Variants in PCSK6 observed in about 807,000 individuals in gnomAD.
PCSK6 encodes proprotein convertase subtilisin/kexin type 6, also known as paired basic amino acid cleaving enzyme 4.
A neutral mutation model predicts 123.3 loss-of-function variants in PCSK6; 85 were observed. That is an observed-to-expected ratio of 0.69 (90% confidence interval 0.58 to 0.83). The LOEUF (loss-of-function observed/expected upper bound fraction) is 0.83. Among genes scored for constraint, PCSK6 ranks in the 40% least tolerant of loss-of-function variants. The probability of loss-of-function intolerance (pLI) is 0.00; values close to 1 mark genes in which losing one functional copy is unlikely to be tolerated. For missense variants in PCSK6, 1,191 were observed against 1,282.3 expected (o/e 0.93, Z 1.09); for synonymous variants, 508 against 516.0 (o/e 0.98, Z 0.21).
chr15:101,425,514 C>T (rs2056226277), intron 6 of PCSK6, among the ~76,000 whole-genome samples: 1 of 152,158 alleles, frequency 6.6e-6, no homozygotes, highest in African/African-American at 2.4e-5. Flanking sequence ...TAATGCATAT[C>T]CTAACTTATC....
chr15:101,473,671 A>G (rs962695547), intron 1 of PCSK6, among the ~76,000 whole-genome samples: 1 of 152,214 alleles, frequency 6.6e-6, no homozygotes, highest in African/African-American at 2.4e-5. Flanking sequence ...TGAGGTCAGG[A>G]GTTCAAGACC....
intron 13 of PCSK6, chr15:101,336,760 T>C (rs2040487609): frequency 6.6e-6 from 1 of 151,990 alleles, no homozygotes; most frequent in Admixed American, 6.6e-5. Context: ...ATTTTTGTTC[T>C]TTCTCTCGAT....
intron 1 of PCSK6, among the ~76,000 whole-genome samples, chr15:101,446,556 C>G (rs2056895202): frequency 6.6e-6 from 1 of 152,204 alleles, no homozygotes; most frequent in Non-Finnish European, 1.5e-5. Context: ...CCACCCTTTC[C>G]CTACTGTTCA....
At chr15:101,328,335 C>T (rs1483366903) in intron 15 of PCSK6, among the ~76,000 whole-genome samples, 2 of 152,180 alleles carry the variant, frequency 1.3e-5, no homozygotes, top group Non-Finnish European at 2.9e-5. Flanking sequence ...AGGCGGCAGA[C>T]CAATCTTTTC....
intron 6 of PCSK6, among the ~76,000 whole-genome samples, chr15:101,414,604 C>A (rs2055820318): frequency 6.6e-6 from 1 of 152,048 alleles, no homozygotes; most frequent in Non-Finnish European, 1.5e-5. Context: ...TGTAGAGAAA[C>A]ATAAGTCCCA....
At chr15:101,369,610 G>A (rs377031881) in intron 12 of PCSK6, among the ~76,000 whole-genome samples, 1 of 152,254 alleles carries the variant, frequency 6.6e-6, no homozygotes, top group African/African-American at 2.4e-5. Flanking sequence ...GCTAGAAAGA[G>A]ACAGAAGGTA....
At chr15:101,396,596 G>C (rs1035064922) in intron 7 of PCSK6, among the ~76,000 whole-genome samples, 9 of 152,024 alleles carry the variant, frequency 5.9e-5, no homozygotes, top group Non-Finnish European at 4.4e-5. Context: ...TAGTGGGTTG[G>C]AGCTGGGAGC....
intron 11 of PCSK6, among the ~76,000 whole-genome samples, chr15:101,371,092 A>G (rs929135333): frequency 2.0e-4 from 31 of 152,318 alleles, no homozygotes; most frequent in African/African-American, 7.5e-4. Flanking sequence ...CTGTAATCCC[A>G]GCTACTCGGG....
At chr15:101,467,077 G>GAA (rs2057479033) in intron 1 of PCSK6, among the ~76,000 whole-genome samples, 1 of 151,824 alleles carries the variant, frequency 6.6e-6, no homozygotes, top group African/African-American at 2.4e-5. Flanking sequence ...TAACTCTCCA[G>GAA]TTTAATCAGA....
intron 13 of PCSK6, among the ~76,000 whole-genome samples, chr15:101,344,852 C>T (rs2040694544): frequency 6.6e-6 from 1 of 152,074 alleles, no homozygotes; most frequent in South Asian, 2.1e-4. Flanking sequence ...GACGAGGTTT[C>T]ACCATGTAGG....
chr15:101,391,049 G>C (rs2042220345), intron 8 of PCSK6, among the ~76,000 whole-genome samples: 1 of 152,170 alleles, frequency 6.6e-6, no homozygotes, highest in African/African-American at 2.4e-5. Context: ...GTCTAGGGAA[G>C]GTGGGGGTCT....
At chr15:101,414,749 C>T (rs4965853) in intron 6 of PCSK6, among the ~76,000 whole-genome samples, 28,135 of 151,404 alleles carry the variant, frequency 0.19, 3,012 homozygotes, top group East Asian at 0.38. Context: ...GACAGATGGA[C>T]GGACAGATGG....
intron 10 of PCSK6, 87 bp from the exon 11 acceptor site, chr15:101,382,296 G>A (rs1252241720): frequency 9.9e-6 from 10 of 1,013,622 alleles, no homozygotes; most frequent in African/African-American, 1.6e-5. Flanking sequence ...CGGGCCCCAT[G>A]GAGGACAGAG....
intron 1 of PCSK6, among the ~76,000 whole-genome samples, chr15:101,457,177 TAAATAAATAAATAA>T (rs572203563): frequency 1.2e-3 from 189 of 151,790 alleles, no homozygotes; most frequent in Non-Finnish European, 2.2e-3. Context: ...ATCTCAAAAA[TAAATAAATAAATAA>T]AAATAAATAA....
intron 1 of PCSK6, among the ~76,000 whole-genome samples, chr15:101,472,760 G>A (rs1269343502): frequency 6.6e-6 from 1 of 152,180 alleles, no homozygotes; most frequent in Non-Finnish European, 1.5e-5. Context: ...AACCAACTTG[G>A]AATAAGAAAA....
chr15:101,365,694 A>T lies in PCSK6; in HGVS notation c.1858+502T>A, dbSNP rs189426452. On this transcript the variant is annotated intron_variant, in intron 13 of 21. Coordinates refer to ENST00000611716, the MANE Select transcript of PCSK6 (RefSeq NM_002570.5). ...CAGGTGAATGAATAAACAAAATGTG[A>T]TCAATCCGTACAATGGAATATCGTT... 280 of 153,388 alleles carry T rather than the reference A, an allele frequency of 1.8e-3. 2 individuals are homozygous for T. The highest frequency in any genetic ancestry group is 6.0e-4 in the Non-Finnish European group (41 of 68,800). The allele number at this position is 153,388 out of a possible 1,614,324, so 9.5% of individuals were successfully genotyped here.
chr15:101,359,777 G>T (rs1458871547), intron 13 of PCSK6, among the ~76,000 whole-genome samples: 1 of 152,242 alleles, frequency 6.6e-6, no homozygotes, highest in African/African-American at 2.4e-5. Flanking sequence ...CACGCAACAG[G>T]CTCCAAACGT....
At chr15:101,455,953 T>C (rs980193277) in intron 1 of PCSK6, among the ~76,000 whole-genome samples, 23 of 149,344 alleles carry the variant, frequency 1.5e-4, no homozygotes, top group Non-Finnish European at 1.9e-4. Flanking sequence ...GCAAGCTGTA[T>C]GCTAAGAAGT....
intron 6 of PCSK6, among the ~76,000 whole-genome samples, chr15:101,408,419 C>T (rs1485520436): frequency 6.6e-6 from 1 of 152,242 alleles, no homozygotes; most frequent in Non-Finnish European, 1.5e-5. Flanking sequence ...GAGAGCTAGC[C>T]TCACCCATTC....
Sources: allele counts gnomAD v4.1 joint callset (sites outside exome capture counted in the v4.1 genomes callset), GRCh38; gene constraint gnomAD v4.1.1; transcripts MANE v1.5; gene names NCBI Gene and HGNC (gene_info 2026-07-23, HGNC 2026-07-21).